ZNF782: variants seen among roughly 807,000 people sequenced by gnomAD.
ZNF782 encodes zinc finger protein 782.
In ZNF782, 12 loss-of-function variants were observed where a neutral mutation model predicts 13.0. The ratio of observed to expected loss-of-function variants is 0.92; its 90% CI spans 0.59 to 1.50. The LOEUF is 1.50. Among genes scored for constraint, ZNF782 ranks in the 40% most tolerant of loss-of-function variants. ZNF782 has a pLI of 0.00. For synonymous variants in ZNF782, 284 were observed against 283.0 expected, an observed-to-expected ratio of 1.00 and a Z score of -0.04; for missense variants, 770 against 822.9, an observed-to-expected ratio of 0.94 and a Z score of 0.79.
chr9:96,823,581 A>G (rs1392570775), intron 5 of ZNF782, among the ~76,000 whole-genome samples: 1 of 152,206 alleles, frequency 6.6e-6, no homozygotes, highest in Non-Finnish European at 1.5e-5. Context: ...TTGAGTTTAC[A>G]AACAGAAGAG....
intron 1 of ZNF782, among the ~76,000 whole-genome samples, chr9:96,864,385 A>G (rs1487701705): frequency 6.6e-6 from 1 of 152,076 alleles, no homozygotes; most frequent in African/African-American, 2.4e-5. Flanking sequence ...ATATATTCCT[A>G]TAGTAAATTA....
chr9:96,892,754 A>G, the ZNF782 span: 2 of 152,230 alleles, frequency 1.3e-5, no homozygotes, highest in Non-Finnish European at 2.9e-5. Context: ...CCAAGAAGAA[A>G]TAACTTTTTT....
upstream of ZNF782, among the ~76,000 whole-genome samples, chr9:96,855,476 T>C (rs1851629384): frequency 6.6e-6 from 1 of 151,984 alleles, no homozygotes; most frequent in Non-Finnish European, 1.5e-5. Context: ...TTCTCATAGC[T>C]TAGCTCCCAC....
chr9:96,869,370 G>A (rs1588176725), intron 1 of ZNF782, among the ~76,000 whole-genome samples: 1 of 152,244 alleles, frequency 6.6e-6, no homozygotes, highest in East Asian at 1.9e-4. Flanking sequence ...TCTTGCAGTT[G>A]TATTCCTAAT....
chr9:96,821,223 G>A (rs1200277079), intron 5 of ZNF782, among the ~76,000 whole-genome samples: 2 of 152,208 alleles, frequency 1.3e-5, no homozygotes, highest in Non-Finnish European at 2.9e-5. Flanking sequence ...ACTAACTGTA[G>A]GCTCATTACA....
chr9:96,891,867 A>T, the ZNF782 span: 1 of 152,236 alleles, frequency 6.6e-6, no homozygotes, highest in Non-Finnish European at 1.5e-5. Flanking sequence ...TTAAGAGCAG[A>T]ATCAAGAAAT....
intron 1 of ZNF782, among the ~76,000 whole-genome samples, chr9:96,853,439 C>T (rs1851560585): frequency 6.6e-6 from 1 of 152,128 alleles, no homozygotes; most frequent in Non-Finnish European, 1.5e-5. Context: ...CACAGAGACC[C>T]CTGCTTCCCA....
the ZNF782 span, chr9:96,887,327 AAGG>A: frequency 3.7e-4 from 56 of 149,540 alleles, 1 homozygote; most frequent in African/African-American, 9.5e-4. Flanking sequence ...GGAAGGAAGG[AAGG>A]AAGGAAGGAA....
intron 1 of ZNF782, among the ~76,000 whole-genome samples, chr9:96,865,659 T>C (rs1265082052): frequency 6.6e-6 from 1 of 152,158 alleles, no homozygotes; most frequent in Non-Finnish European, 1.5e-5. Context: ...TGGAACTGGG[T>C]AACAGGCAGA....
intron 4 of ZNF782, among the ~76,000 whole-genome samples, chr9:96,836,782 T>G (rs1851016691): frequency 6.6e-6 from 1 of 152,118 alleles, no homozygotes; most frequent in Non-Finnish European, 1.5e-5. Context: ...ATGAACAGAT[T>G]AATGCCCTCC....
the ZNF782 span, among the ~76,000 whole-genome samples, chr9:96,919,926 T>A: frequency 2.0e-5 from 3 of 151,568 alleles, no homozygotes; most frequent in African/African-American, 7.3e-5. Context: ...GGCATCAACT[T>A]TTTCTACTGA....
At chr9:96,911,716 T>A in the ZNF782 span, among the ~76,000 whole-genome samples, 1 of 151,120 alleles carries the variant, frequency 6.6e-6, no homozygotes, top group East Asian at 2.0e-4. Context: ...GAGACGGGGT[T>A]TCACCGTGTT....
chr9:96,818,522 T>A lies in ZNF782; in HGVS notation c.1501A>T (p.Thr501Ser). Residue 501 changes from threonine to serine, a missense_variant, in exon 6 of 6, where the codon ACA becomes TCA. Physicochemically the swap from Thr to Ser is moderately conservative, Grantham distance 58. Transcript: ENST00000481138. Reference protein sequence around the residue: ...SGLRNHRRTHTGERPYKCDEC... With the variant: ...SGLRNHRRTHSGERPYKCDEC... The stretch of plus-strand genomic sequence containing the variant: ...TCACATTTATATGGTCTTTCCCCTG[T>A]GTGAGTTCTTCGGTGATTCCTTAGG... The A allele has an allele frequency of 6.2e-7, 1 of 1,613,904 alleles. No individual in the cohort carries two copies. Among genetic ancestry groups the A allele is most frequent in the Non-Finnish European group, 8.5e-7 (1 of 1,179,964 alleles).
the ZNF782 span, among the ~76,000 whole-genome samples, chr9:96,899,366 T>C: frequency 2.0e-5 from 3 of 152,010 alleles, no homozygotes; most frequent in Non-Finnish European, 4.4e-5. Flanking sequence ...TTGTTGACTA[T>C]TTGTATATCT....
chr9:96,911,206 G>A, the ZNF782 span, among the ~76,000 whole-genome samples: 5 of 144,204 alleles, frequency 3.5e-5, no homozygotes, highest in African/African-American at 1.0e-4. Context: ...TTGGGAGGCC[G>A]AGGCGGGCGG....
chr9:96,910,698 G>A, the ZNF782 span, among the ~76,000 whole-genome samples: 45 of 149,970 alleles, frequency 3.0e-4, no homozygotes, highest in Non-Finnish European at 6.3e-4. Context: ...GTGCAGTGGT[G>A]CGATCTCGGC....
chr9:96,914,033 C>T, the ZNF782 span, among the ~76,000 whole-genome samples: 7,787 of 134,270 alleles, frequency 0.058, 264 homozygotes, highest in East Asian at 0.43. Flanking sequence ...TGAATGTGTC[C>T]GGATGCTCTG....
At chr9:96,852,281 A>C (rs896915973) in intron 2 of ZNF782, among the ~76,000 whole-genome samples, 4 of 152,224 alleles carry the variant, frequency 2.6e-5, no homozygotes, top group Middle Eastern at 3.2e-3. Context: ...CACACACACA[A>C]AAATAAAGAC....
At chr9:96,840,957 A>T (rs1462075399) in intron 4 of ZNF782, among the ~76,000 whole-genome samples, 1 of 152,046 alleles carries the variant, frequency 6.6e-6, no homozygotes, top group South Asian at 2.1e-4. Flanking sequence ...TCAATGAGAG[A>T]AAAAGCTGGT....
Sources: allele counts gnomAD v4.1 joint callset (sites outside exome capture counted in the v4.1 genomes callset), GRCh38; gene constraint gnomAD v4.1.1; transcripts MANE v1.5; gene names NCBI Gene and HGNC (gene_info 2026-07-23, HGNC 2026-07-21).